Variants in NRG3 observed in about 807,000 individuals in gnomAD.
NRG3 encodes the protein neuregulin 3.
Under a neutral mutation model 66.9 loss-of-function variants are expected in NRG3, and 31 were observed. The ratio of observed to expected loss-of-function variants is 0.46; its 90% CI spans 0.35 to 0.63. The LOEUF is 0.63. Ranked by LOEUF, NRG3 falls within the 20% of genes least tolerant of loss-of-function variation. The probability of loss-of-function intolerance (pLI) is 0.00; values close to 1 mark genes in which losing one functional copy is unlikely to be tolerated. For synonymous variants in NRG3, 393 were observed against 359.4 expected (o/e 1.09, Z -1.06); for missense variants, 910 against 878.9 (o/e 1.04, Z -0.45).
At chr10:82,012,121 A>G (rs1010463076) in intron 1 of NRG3, among the ~76,000 whole-genome samples, 5 of 152,130 alleles carry the variant, frequency 3.3e-5, no homozygotes, top group Non-Finnish European at 7.3e-5. Flanking sequence ...AGGTATTTCC[A>G]TACATCTTCT....
At chr10:82,333,260 C>T (rs2082227612) in intron 1 of NRG3, among the ~76,000 whole-genome samples, 1 of 152,114 alleles carries the variant, frequency 6.6e-6, no homozygotes, top group Non-Finnish European at 1.5e-5. Flanking sequence ...GCAGGAATGG[C>T]AAATACCCAC....
chr10:82,128,979 T>C lies in NRG3; in HGVS notation c.824-229760T>C, dbSNP rs2068634907. Among the ~76,000 whole-genome samples the C allele has an allele frequency of 2.0e-5, 3 of 152,012 alleles. No homozygotes were observed. In the South Asian group the frequency reaches 6.2e-4, roughly 31 times the overall value. On this transcript the variant is annotated intron_variant, in intron 1 of 8. Coordinates refer to ENST00000372141, the MANE Select transcript of NRG3 (RefSeq NM_001010848.4). Reference sequence around the variant, plus strand: ...TCCAGGCTGGAGTGCAGTGGCGTGATATCGGCTCACTGCAACCTCGCCTCT... The same window carrying C: ...TCCAGGCTGGAGTGCAGTGGCGTGACATCGGCTCACTGCAACCTCGCCTCT...
chr10:82,832,535 G>A (rs1266855903), intron 3 of NRG3, among the ~76,000 whole-genome samples: 1 of 152,152 alleles, frequency 6.6e-6, no homozygotes, highest in African/African-American at 2.4e-5. Context: ...CTATATTCAT[G>A]ATTGAGTAAC....
At chr10:82,815,841 G>A (rs139200147) in intron 3 of NRG3, among the ~76,000 whole-genome samples, 83 of 152,306 alleles carry the variant, frequency 5.4e-4, no homozygotes, top group South Asian at 1.0e-3. Context: ...GCAGTGAGGG[G>A]TGTGTGGGCA....
intron 1 of NRG3, among the ~76,000 whole-genome samples, chr10:82,304,287 A>T (rs1385730617): frequency 6.6e-6 from 1 of 152,146 alleles, no homozygotes. Flanking sequence ...AGTCATTTGC[A>T]ATTGCTGTTT....
At chr10:82,487,065 AAT>A (rs1842742192) in intron 2 of NRG3, among the ~76,000 whole-genome samples, 1 of 148,726 alleles carries the variant, frequency 6.7e-6, no homozygotes, top group African/African-American at 2.4e-5. Flanking sequence ...ATATATGTAT[AAT>A]ATATGTATAT....
intron 1 of NRG3, among the ~76,000 whole-genome samples, chr10:81,926,546 C>G (rs888303714): frequency 1.3e-5 from 2 of 151,722 alleles, no homozygotes; most frequent in Admixed American, 1.3e-4. Flanking sequence ...TTTTAAGGAT[C>G]CTGCTAATTT....
At position 82,681,229 on chromosome 10, in the gene NRG3, A is replaced by G. The variant is rs546765774; in HGVS notation, c.954-57348A>G. On this transcript the variant is annotated intron_variant, in intron 2 of 8. Coordinates refer to ENST00000372141, the MANE Select transcript of NRG3 (RefSeq NM_001010848.4). ...AAAATTGCCTTATTTGAAATCTACC[A>G]CTGCCACTGTTGACTGAACAATTGA... Among the ~76,000 whole-genome samples, 23 of 152,322 alleles carry G rather than the reference A, an allele frequency of 1.5e-4. No homozygotes were observed. In the South Asian group the frequency reaches 2.5e-3, roughly 16 times the overall value.
chr10:82,303,760 C>T (rs191245903), intron 1 of NRG3, among the ~76,000 whole-genome samples: 6 of 151,756 alleles, frequency 4.0e-5, no homozygotes, highest in African/African-American at 9.7e-5. Context: ...CCCAGCTACT[C>T]GGGAGGCTGA....
chr10:81,963,125 C>CTTTTTT lies in NRG3; in HGVS notation c.823+86983_823+86988dup, dbSNP rs777026850. On this transcript the variant is annotated intron_variant, in intron 1 of 8. Transcript: ENST00000372141. ...GAAAATATGATCTGCCACGAGGGCTCTTTTTTTTTTTTTTTTTTTTTTTTT... is the reference window on the plus strand; with the variant it reads ...GAAAATATGATCTGCCACGAGGGCTCTTTTTTTTTTTTTTTTTTTTTTTTTTTTTTT... 1.3e-3 allele frequency among the ~76,000 whole-genome samples: 89 copies of CTTTTTT among 70,112 alleles called. 11 individuals are homozygous for CTTTTTT. Among genetic ancestry groups the CTTTTTT allele is most frequent in the African/African-American group, 5.2e-3 (81 of 15,650 alleles). The allele number at this position is 70,112 out of a possible 152,430, so 46.0% of individuals were successfully genotyped here.
At chr10:82,785,260 C>T (rs542221328) in intron 3 of NRG3, among the ~76,000 whole-genome samples, 171 of 151,498 alleles carry the variant, frequency 1.1e-3, no homozygotes, top group Non-Finnish European at 1.8e-3. Context: ...TGCTAAATGA[C>T]GAGTTAATGG....
chr10:82,937,019 T>C (rs1195894140), intron 4 of NRG3, among the ~76,000 whole-genome samples: 1 of 152,220 alleles, frequency 6.6e-6, no homozygotes, highest in Non-Finnish European at 1.5e-5. Context: ...TTGCTGTGAC[T>C]ATCATTATTA....
chr10:82,322,456 C>A (rs1423597832), intron 1 of NRG3, among the ~76,000 whole-genome samples: 1 of 151,564 alleles, frequency 6.6e-6, no homozygotes, highest in Non-Finnish European at 1.5e-5. Context: ...GATTTGAATA[C>A]AAGAGTTATA....
intron 2 of NRG3, among the ~76,000 whole-genome samples, chr10:82,423,968 G>C (rs1305082853): frequency 6.6e-6 from 1 of 151,924 alleles, no homozygotes. Context: ...GTAGCATGAA[G>C]TACTTCAGCC....
intron 2 of NRG3, among the ~76,000 whole-genome samples, chr10:82,365,056 C>T (rs7093014): frequency 6.0e-4 from 91 of 152,228 alleles, no homozygotes; most frequent in African/African-American, 2.1e-3. Context: ...CATTGCGTAA[C>T]GACAATTCTA....
chr10:82,522,850 T>C (rs1198995299), intron 2 of NRG3, among the ~76,000 whole-genome samples: 1 of 152,230 alleles, frequency 6.6e-6, no homozygotes. Context: ...AACAAATTCA[T>C]ATCTCCATGG....
chr10:82,014,765 C>T (rs1034003403), intron 1 of NRG3, among the ~76,000 whole-genome samples: 12 of 152,076 alleles, frequency 7.9e-5, no homozygotes, highest in Admixed American at 1.3e-4. Context: ...AGGGCAGATT[C>T]TCATTTTTGA....
At chr10:82,650,526 G>T (rs957958582) in intron 2 of NRG3, among the ~76,000 whole-genome samples, 21 of 152,196 alleles carry the variant, frequency 1.4e-4, no homozygotes, top group Non-Finnish European at 4.4e-5. Context: ...AGTCACAAGG[G>T]TGATGGGCAA....
At chr10:82,643,014 A>G (rs1360505877) in intron 2 of NRG3, among the ~76,000 whole-genome samples, 1 of 152,118 alleles carries the variant, frequency 6.6e-6, no homozygotes, top group African/African-American at 2.4e-5. Context: ...GGTAGCCACA[A>G]GATAACCATT....
Sources: gnomAD v4.1 joint callset for allele counts (sites outside exome capture counted in the v4.1 genomes callset) on GRCh38, gnomAD v4.1.1 for gene constraint, MANE v1.5 for transcripts, NCBI Gene and HGNC (gene_info 2026-07-23, HGNC 2026-07-21) for gene names.